TTC39A: variants seen among roughly 807,000 people sequenced by gnomAD.
TTC39A encodes tetratricopeptide repeat protein 39A.
In TTC39A, 46 loss-of-function variants were observed where a neutral mutation model predicts 82.3. That is an observed-to-expected ratio of 0.56 (90% CI 0.44 to 0.71). The LOEUF is 0.71. Among genes scored for constraint, TTC39A ranks in the 30% least tolerant of loss-of-function variants. TTC39A has a pLI of 0.00. For synonymous variants in TTC39A, 254 were observed against 275.2 expected, an observed-to-expected ratio of 0.92 and a Z score of 0.76; for missense variants, 543 against 712.9, an observed-to-expected ratio of 0.76 and a Z score of 2.71.
intron 6 of TTC39A, 35 bp downstream of exon 6, chr1:51,309,226 G>T (rs747750708): frequency 1.3e-6 from 2 of 1,576,492 alleles, no homozygotes; most frequent in South Asian, 1.2e-5. Flanking sequence ...TGTGGCCCAG[G>T]GTCTCCCCAC....
At chr1:51,307,173 C>A (rs548163552) in intron 6 of TTC39A, among the ~76,000 whole-genome samples, 228 of 152,220 alleles carry the variant, frequency 1.5e-3, no homozygotes, top group African/African-American at 5.3e-3. Flanking sequence ...GGCAATAACC[C>A]AGGACTTCTT....
At chr1:51,314,838 A>G (rs1645223502) in intron 2 of TTC39A, among the ~76,000 whole-genome samples, 1 of 152,210 alleles carries the variant, frequency 6.6e-6, no homozygotes, top group Non-Finnish European at 1.5e-5. Flanking sequence ...CTGCGGAAGG[A>G]AAACCTTAAC....
chr1:51,318,992 C>T (rs1210464794), intron 2 of TTC39A, among the ~76,000 whole-genome samples: 1 of 152,122 alleles, frequency 6.6e-6, no homozygotes, highest in East Asian at 1.9e-4. Flanking sequence ...AAACAGACTC[C>T]AGGAACATGG....
chr1:51,336,778 G>A (rs906991351), intron 1 of TTC39A, among the ~76,000 whole-genome samples: 13 of 152,278 alleles, frequency 8.5e-5, no homozygotes, highest in African/African-American at 2.4e-4. Flanking sequence ...TTTCTGAAAC[G>A]GGGATGATGA....
chr1:51,330,964 G>A, upstream of TTC39A: 1 of 648,470 alleles, frequency 1.5e-6, no homozygotes, highest in Non-Finnish European at 2.8e-6. The surrounding 1 kb of genome is among the most constrained non-coding windows in gnomAD (Gnocchi z 4.5). Context: ...CCAGAGTCAG[G>A]CCTGGATTTT....
intron 12 of TTC39A, chr1:51,296,913 C>G (rs1456188649): frequency 2.6e-5 from 4 of 154,112 alleles, no homozygotes; most frequent in Non-Finnish European, 4.3e-5. Context: ...CCCCCTACCC[C>G]ACCCAGTCCT....
At chr1:51,329,948 G>T in intron 1 of TTC39A, 1 of 190,612 alleles carries the variant, frequency 5.2e-6, no homozygotes, top group Non-Finnish European at 9.7e-6. Flanking sequence ...TACCTTAGCT[G>T]TTTAAGTTCC....
intron 11 of TTC39A, 117 bp downstream of exon 11, chr1:51,302,240 G>GGGGGGGGGGGGGGC: frequency 1.6e-6 from 1 of 623,716 alleles, no homozygotes; most frequent in Non-Finnish European, 2.9e-6. Context: ...TTCTCTCTTG[G>GGGGGGGGGGGGGGC]CCCCCCCCCC....
At chr1:51,303,964 G>C (rs1298691848) in intron 8 of TTC39A, among the ~76,000 whole-genome samples, 1 of 152,240 alleles carries the variant, frequency 6.6e-6, no homozygotes, top group Non-Finnish European at 1.5e-5. Flanking sequence ...GCAGCAGATA[G>C]CAGCTAAGAT....
intron 2 of TTC39A, among the ~76,000 whole-genome samples, chr1:51,320,848 C>T (rs1318670112): frequency 6.7e-6 from 1 of 150,088 alleles, no homozygotes; most frequent in East Asian, 2.0e-4. Flanking sequence ...GCTAAATTCT[C>T]ATCTATCAGT....
chr1:51,296,009 G>T, intron 13 of TTC39A, 70 bp downstream of exon 13: 1 of 1,514,142 alleles, frequency 6.6e-7, no homozygotes, highest in South Asian at 1.2e-5. Context: ...AGGGTGGCCT[G>T]GCTGGTCTGT....
In TTC39A at chr1:51,294,716, C is replaced by T. The variant is rs1339651140; in HGVS notation, c.1146-205G>A. ...GAGACCCTGCCCCAAGACCTGGCCA[C>T]TTCCTATGGCTGGGCAAGGGGTTCC... On this transcript the variant is annotated intron_variant, in intron 13 of 17. Transcript: ENST00000680483. This position sits in a 1 kb window ranked among gnomAD's most constrained non-coding sequence, Gnocchi z 4.3. Among the ~76,000 whole-genome samples the T allele has an allele frequency of 3.3e-5, 5 of 152,222 alleles. No individual in the cohort carries two copies. Among genetic ancestry groups the T allele is most frequent in the African/African-American group, 9.6e-5 (4 of 41,462 alleles).
intron 12 of TTC39A, chr1:51,298,551 G>GA (rs1257509717): frequency 6.6e-6 from 1 of 152,302 alleles, no homozygotes; most frequent in Non-Finnish European, 1.5e-5. Context: ...GGTTAGGATG[G>GA]GGGCTGTGAC....
In TTC39A at chr1:51,308,780, C is replaced by CGT. The variant is rs201130504; in HGVS notation, c.488+479_488+480dup. Among the ~76,000 whole-genome samples the CGT allele has an allele frequency of 1.4e-4, 21 of 151,876 alleles. No homozygotes were observed. In the East Asian group the frequency reaches 3.7e-3, roughly 27 times the overall value. Reference sequence around the variant, plus strand: ...GGCCTGCAGAGAGCACGTGCATGCACGTGTGTGTGTATGTGTGTGTGTGTG... The same window carrying CGT: ...GGCCTGCAGAGAGCACGTGCATGCACGTGTGTGTGTGTATGTGTGTGTGTGTG... On this transcript the variant is annotated intron_variant, in intron 6 of 17. Transcript: ENST00000680483.
At chr1:51,341,040 G>T (rs776857621) in intron 1 of TTC39A, among the ~76,000 whole-genome samples, 1 of 152,102 alleles carries the variant, frequency 6.6e-6, no homozygotes, top group South Asian at 2.1e-4. Context: ...GCGTGGTGGC[G>T]CATGACTATA....
chr1:51,306,277 G>A (rs971492217), intron 6 of TTC39A, among the ~76,000 whole-genome samples: 3 of 152,122 alleles, frequency 2.0e-5, no homozygotes, highest in African/African-American at 2.4e-5. Context: ...AATTTCAGCC[G>A]TATGGGCCCT....
intron 2 of TTC39A, among the ~76,000 whole-genome samples, chr1:51,317,933 C>T (rs549145839): frequency 6.6e-6 from 1 of 152,150 alleles, no homozygotes; most frequent in African/African-American, 2.4e-5. Context: ...CTGAGTGCTA[C>T]AGGACTCCTG....
intron 12 of TTC39A, chr1:51,300,145 C>T (rs1644596727): frequency 6.6e-6 from 1 of 152,294 alleles, no homozygotes; most frequent in African/African-American, 2.4e-5. Flanking sequence ...CTGTCACCAA[C>T]AGCCATGTGG....
At chr1:51,306,711 G>A (rs1557716778) in intron 6 of TTC39A, among the ~76,000 whole-genome samples, 1 of 152,220 alleles carries the variant, frequency 6.6e-6, no homozygotes, top group Non-Finnish European at 1.5e-5. Flanking sequence ...TTAATGATGT[G>A]TCTGCCTCCT....
Sources: gnomAD v4.1 joint callset for allele counts (sites outside exome capture counted in the v4.1 genomes callset) on GRCh38, gnomAD v4.1.1 for gene constraint, Gnocchi (gnomAD v3.1) non-coding constraint, MANE v1.5 for transcripts, NCBI Gene and HGNC (gene_info 2026-07-23, HGNC 2026-07-21) for gene names.